DNAJC3: variants seen among roughly 807,000 people sequenced by gnomAD.
The protein encoded by DNAJC3 is dnaJ homolog subfamily C member 3.
Under a neutral mutation model 68.6 loss-of-function variants are expected in DNAJC3, and 38 were observed. That is an observed-to-expected ratio of 0.55 (90% CI 0.43 to 0.73). DNAJC3 has a LOEUF of 0.73. Among genes scored for constraint, DNAJC3 ranks in the 30% least tolerant of loss-of-function variants. The pLI, the probability that DNAJC3 is intolerant of heterozygous loss-of-function variation, is 0.00. For synonymous variants in DNAJC3, 203 were observed against 204.0 expected (o/e 1.00, Z 0.04); for missense variants, 526 against 591.9 (o/e 0.89, Z 1.16).
intron 4 of DNAJC3, among the ~76,000 whole-genome samples, chr13:95,730,865 C>T (rs1330546931): frequency 2.0e-5 from 3 of 152,138 alleles, no homozygotes; most frequent in African/African-American, 7.2e-5. Context: ...TATTTTGATA[C>T]AGATATCCTT....
intron 1 of DNAJC3, among the ~76,000 whole-genome samples, chr13:95,697,520 G>C (rs1297184881): frequency 2.0e-5 from 3 of 152,152 alleles, no homozygotes; most frequent in African/African-American, 7.2e-5. Flanking sequence ...GTATCTTCCA[G>C]GTGCCCTGTG....
intron 4 of DNAJC3, among the ~76,000 whole-genome samples, chr13:95,736,147 T>C (rs1167628797): frequency 2.6e-5 from 4 of 152,154 alleles, no homozygotes; most frequent in African/African-American, 7.2e-5. Context: ...TGCGGCGTTA[T>C]TTCTGAGGGC....
At chr13:95,766,780 C>T (rs915496774) in intron 9 of DNAJC3, among the ~76,000 whole-genome samples, 16 of 151,860 alleles carry the variant, frequency 1.1e-4, no homozygotes, top group African/African-American at 3.1e-4. Context: ...CTGCAACTTC[C>T]GCCTTCCGGG....
chr13:95,753,584 A>G (rs907243337), intron 4 of DNAJC3, among the ~76,000 whole-genome samples: 2 of 152,222 alleles, frequency 1.3e-5, no homozygotes, highest in Non-Finnish European at 2.9e-5. Context: ...TTCATTGAAT[A>G]TATTTTATGC....
intron 1 of DNAJC3, among the ~76,000 whole-genome samples, chr13:95,699,043 G>A (rs1386747272): frequency 1.3e-5 from 2 of 152,216 alleles, no homozygotes; most frequent in Non-Finnish European, 2.9e-5. Context: ...AGGAAGGTAA[G>A]ATGAGAGCTG....
intron 4 of DNAJC3, among the ~76,000 whole-genome samples, chr13:95,738,243 G>C (rs1437776272): frequency 6.7e-6 from 1 of 150,032 alleles, no homozygotes; most frequent in Non-Finnish European, 1.5e-5. Flanking sequence ...TTACTTCCCA[G>C]TATGTGGTCA....
intron 11 of DNAJC3, among the ~76,000 whole-genome samples, chr13:95,788,266 C>T (rs149925952): frequency 6.6e-6 from 1 of 152,222 alleles, no homozygotes; most frequent in Non-Finnish European, 1.5e-5. Flanking sequence ...CTGCCTTAAG[C>T]AGTTCAATCC....
In DNAJC3 at chr13:95,730,545, C is replaced by T. The variant is rs1881677938; in HGVS notation, c.393+5293C>T. Among the ~76,000 whole-genome samples, 3 of 152,266 alleles carry T rather than the reference C, an allele frequency of 2.0e-5. No homozygotes were observed. The South Asian group carries it at 6.2e-4, about 32-fold the overall frequency. ...GCATATAGATATCCAGTTTTCACAG[C>T]ACCATTTATTGAAGAGGGTGTGTGT... On this transcript the variant is annotated intron_variant, in intron 4 of 11. Transcript: ENST00000602402.
intron 4 of DNAJC3, among the ~76,000 whole-genome samples, chr13:95,737,026 C>A (rs368286587): frequency 9.2e-5 from 14 of 151,944 alleles, no homozygotes; most frequent in African/African-American, 2.7e-4. Context: ...AGTTTTTAGC[C>A]TGAAGGGTTG....
chr13:95,720,810 A>G (rs1031963925), intron 2 of DNAJC3, among the ~76,000 whole-genome samples: 5 of 152,040 alleles, frequency 3.3e-5, no homozygotes, highest in African/African-American at 9.7e-5. Context: ...TTTAAGAAAA[A>G]GAAGGTTTTT....
chr13:95,767,729 G>A (rs534892752), intron 9 of DNAJC3, among the ~76,000 whole-genome samples: 5 of 142,752 alleles, frequency 3.5e-5, no homozygotes, highest in East Asian at 4.0e-4. Flanking sequence ...TTGCTCTGTC[G>A]CCCAGGCTGA....
chr13:95,731,901 ATTTTT>A (rs777968421), intron 4 of DNAJC3, among the ~76,000 whole-genome samples: 3 of 123,944 alleles, frequency 2.4e-5, no homozygotes, highest in South Asian at 2.6e-4. Context: ...CGCCTGGCTA[ATTTTT>A]TTTTTTTTTT....
At chr13:95,716,643 T>C (rs1159398666) in intron 2 of DNAJC3, among the ~76,000 whole-genome samples, 1 of 152,042 alleles carries the variant, frequency 6.6e-6, no homozygotes, top group Non-Finnish European at 1.5e-5. Flanking sequence ...GGTAAGGTGG[T>C]CTTCCTCTGG....
intron 9 of DNAJC3, among the ~76,000 whole-genome samples, chr13:95,773,151 A>G (rs974766889): frequency 1.5e-5 from 1 of 66,968 alleles, no homozygotes; most frequent in South Asian, 4.4e-4. Context: ...TGACAAATTT[A>G]GTTTTTTTTT....
intron 1 of DNAJC3, chr13:95,694,427 A>C (rs1165211302): frequency 2.0e-5 from 3 of 152,646 alleles, no homozygotes; most frequent in Non-Finnish European, 2.9e-5. Flanking sequence ...AAATAGGAGA[A>C]AGTTTTGAAG....
chr13:95,686,706 TG>T (rs147665639), intron 1 of DNAJC3, among the ~76,000 whole-genome samples: 2,600 of 152,328 alleles, frequency 0.017, 80 homozygotes, highest in African/African-American at 0.06. Context: ...GTTTTATTTC[TG>T]GGGTTCTCTA....
At chr13:95,776,347 T>G (rs933596480) in intron 9 of DNAJC3, among the ~76,000 whole-genome samples, 1 of 152,216 alleles carries the variant, frequency 6.6e-6, no homozygotes, top group Non-Finnish European at 1.5e-5. Context: ...AGTTTTCTTT[T>G]TTCAGTGTTC....
intron 7 of DNAJC3, among the ~76,000 whole-genome samples, chr13:95,763,260 A>G (rs1354373351): frequency 6.6e-6 from 1 of 152,206 alleles, no homozygotes; most frequent in Non-Finnish European, 1.5e-5. Flanking sequence ...GTGTTTACTG[A>G]CCAAGAAATA....
chr13:95,715,213 T>C (rs1351720114), intron 2 of DNAJC3, among the ~76,000 whole-genome samples: 1 of 152,112 alleles, frequency 6.6e-6, no homozygotes, highest in Non-Finnish European at 1.5e-5. Flanking sequence ...CTGGGCAACA[T>C]AGCAAGAGCT....
Sources: gnomAD v4.1 joint callset for allele counts (sites outside exome capture counted in the v4.1 genomes callset) on GRCh38, gnomAD v4.1.1 for gene constraint, MANE v1.5 for transcripts, NCBI Gene and HGNC (gene_info 2026-07-23, HGNC 2026-07-21) for gene names.